The following POLN variants were observed in gnomAD, a reference collection of about 807,000 sequenced individuals.
POLN encodes the protein DNA polymerase nu.
In POLN, 108 loss-of-function variants were observed where a neutral mutation model predicts 113.5. The ratio of observed to expected loss-of-function variants is 0.95; its 90% CI spans 0.81 to 1.12. The LOEUF is 1.12. Among genes scored for constraint, POLN ranks in the 50% most tolerant of loss-of-function variants. POLN has a pLI of 0.00. For synonymous variants in POLN, 386 were observed against 391.5 expected, an observed-to-expected ratio of 0.99 and a Z score of 0.17; for missense variants, 1,097 against 1,077.1, an observed-to-expected ratio of 1.02 and a Z score of -0.26.
intron 7 of POLN, among the ~76,000 whole-genome samples, chr4:2,180,668 C>T (rs919532099): frequency 1.3e-5 from 2 of 152,200 alleles, no homozygotes; most frequent in African/African-American, 4.8e-5. Flanking sequence ...GACTGTTTCA[C>T]TCCACTTCCC....
At chr4:2,086,009 C>G (rs530757114) in intron 20 of POLN, among the ~76,000 whole-genome samples, 1 of 152,318 alleles carries the variant, frequency 6.6e-6, no homozygotes, top group Admixed American at 6.5e-5. Context: ...GTCCCTCCTC[C>G]CAGTGCGGCC....
chr4:2,208,411 G>A lies in POLN; in HGVS notation c.290C>T (p.Thr97Ile), dbSNP rs1733911147. 1.6e-5 allele frequency: 26 copies of A among 1,609,480 alleles called. No homozygotes were observed. Among genetic ancestry groups the A allele is most frequent in the Non-Finnish European group, 2.1e-5 (25 of 1,178,746 alleles). Residue 97 changes from threonine to isoleucine, a missense_variant, in exon 5 of 26, where the codon ACA becomes ATA. Physicochemically the swap from Thr to Ile is moderately conservative, Grantham distance 89. Coordinates refer to ENST00000511885, the MANE Select transcript of POLN (RefSeq NM_181808.4). ...TTTTTGGTCAGCAGACAGCTGATCT[G>A]TGAGCCTGACACTGAAGGACTGAGG... Reference protein sequence around the residue: ...LSPQSFSVRLTDQLSADQKQK... With the variant: ...LSPQSFSVRLIDQLSADQKQK...
At chr4:2,167,661 G>A (rs1460369093) in intron 13 of POLN, among the ~76,000 whole-genome samples, 1 of 152,180 alleles carries the variant, frequency 6.6e-6, no homozygotes, top group Non-Finnish European at 1.5e-5. Flanking sequence ...CACTTTGGGA[G>A]GCCGAGGTGG....
intron 16 of POLN, among the ~76,000 whole-genome samples, chr4:2,152,167 G>C (rs1732312585): frequency 6.6e-6 from 1 of 151,144 alleles, no homozygotes; most frequent in Admixed American, 6.6e-5. Context: ...GAGTAGCTGG[G>C]ACCATAGGCG....
intron 13 of POLN, 92 bp from the exon 14 acceptor site, chr4:2,159,303 G>T: frequency 2.8e-6 from 3 of 1,062,430 alleles, no homozygotes; most frequent in South Asian, 2.8e-5. Context: ...CATAATAAAT[G>T]GTCTAATTGA....
intron 5 of POLN, among the ~76,000 whole-genome samples, chr4:2,203,764 G>A (rs766139044): frequency 7.9e-5 from 12 of 151,944 alleles, no homozygotes; most frequent in South Asian, 2.1e-4. Context: ...AAATGACCAC[G>A]ATCAGAGCAG....
chr4:2,127,795 C>G lies in POLN; in HGVS notation c.1982+318G>C, dbSNP rs1314485975. ...CTTGGCTCTCCTCGGAGGGCAGTGG[C>G]TCACAGCCAGCACCGCGGGCTCGCT... On this transcript the variant is annotated intron_variant, in intron 19 of 25. Transcript: ENST00000511885. This position sits in a 1 kb window ranked among gnomAD's most constrained non-coding sequence, Gnocchi z 4.7. Among the ~76,000 whole-genome samples the G allele has an allele frequency of 2.0e-5, 3 of 152,246 alleles. No individual in the cohort carries two copies. Among genetic ancestry groups the G allele is most frequent in the African/African-American group, 7.2e-5 (3 of 41,468 alleles).
chr4:2,157,745 A>T, intron 15 of POLN, 113 bp downstream of exon 15: 7 of 456,020 alleles, frequency 1.5e-5, no homozygotes, highest in African/African-American at 2.2e-5. Flanking sequence ...AAAAAAAAAA[A>T]AGAATATTTA....
chr4:2,214,614 T>C (rs1298439694), intron 3 of POLN, among the ~76,000 whole-genome samples: 1 of 152,096 alleles, frequency 6.6e-6, no homozygotes, highest in African/African-American at 2.4e-5. Flanking sequence ...TAACTATAAC[T>C]GGAAACACAG....
chr4:2,119,399 T>TTGTGTGTGTGTGCA (rs1731389950), intron 19 of POLN, among the ~76,000 whole-genome samples: 1 of 134,286 alleles, frequency 7.4e-6, no homozygotes, highest in Non-Finnish European at 1.6e-5. Context: ...TGTCTTTTGC[T>TTGTGTGTGTGTGCA]TGTGTGTGTG....
Position 2,171,161 on chromosome 4 carries a change from C to T in POLN, c.1395G>A (p.Glu465=). The T allele has an allele frequency of 6.2e-7, 1 of 1,613,538 alleles. No individual in the cohort carries two copies. Among genetic ancestry groups the T allele is most frequent in the Non-Finnish European group, 8.5e-7 (1 of 1,179,794 alleles). Residue 465 remains glutamate, a synonymous_variant, in exon 12 of 26, where the codon GAG becomes GAA. Coordinates refer to ENST00000511885, the MANE Select transcript of POLN (RefSeq NM_181808.4). Reference sequence around the variant, plus strand: ...CTCCTGCAACAAAATGAGCTTCTTGCTCCAATTCCTTGAGACGAGCCTGAA... The same window carrying T: ...CTCCTGCAACAAAATGAGCTTCTTGTTCCAATTCCTTGAGACGAGCCTGAA... The part of the protein sequence containing the change: ...ALLGARLKEL[E]QEAHFVAGER...
chr4:2,174,691 C>T lies in POLN; in HGVS notation c.1309G>A (p.Val437Met). The T allele has an allele frequency of 6.2e-7, 1 of 1,606,342 alleles. No individual in the cohort carries two copies. Among genetic ancestry groups the T allele is most frequent in the Non-Finnish European group, 8.5e-7 (1 of 1,173,262 alleles). The change falls in exon 10 of 26, where the codon GTG (valine) becomes ATG (methionine). Residue 437 changes from valine (V) to methionine (M), a missense_variant and splice_region_variant. Val to Met is a conservative substitution (Grantham distance 21, BLOSUM62 1). Transcript: ENST00000511885. Reference sequence around the variant, plus strand: ...GTACTTCATCTTTATGGTAACTTACCTGCCAAAATTGGTATCAGAGGAAGC... The same window carrying T: ...GTACTTCATCTTTATGGTAACTTACTTGCCAAAATTGGTATCAGAGGAAGC... ...LELPLIPILA[V>M]MESHAIQVNK...
intron 22 of POLN, chr4:2,081,278 C>T: frequency 5.8e-6 from 7 of 1,214,960 alleles, no homozygotes; most frequent in Non-Finnish European, 8.1e-6. Context: ...TCACCCCTGC[C>T]AGGCATGCAT....
intron 19 of POLN, among the ~76,000 whole-genome samples, chr4:2,113,178 T>A (rs892674858): frequency 7.5e-6 from 1 of 132,724 alleles, no homozygotes; most frequent in Non-Finnish European, 1.5e-5. Flanking sequence ...TAGGTGGGAA[T>A]TGAACAAAGA....
At chr4:2,086,202 T>C (rs534970336) in intron 20 of POLN, among the ~76,000 whole-genome samples, 4 of 152,214 alleles carry the variant, frequency 2.6e-5, no homozygotes, top group Non-Finnish European at 4.4e-5. Flanking sequence ...GCCAGGCATG[T>C]GGTGGCTCAT....
At chr4:2,177,942 C>T (rs1214845126) in intron 8 of POLN, among the ~76,000 whole-genome samples, 5 of 152,240 alleles carry the variant, frequency 3.3e-5, no homozygotes, top group African/African-American at 9.6e-5. Context: ...CTCAGGGCTG[C>T]GTGGCTCCTG....
intron 19 of POLN, among the ~76,000 whole-genome samples, chr4:2,105,708 G>C (rs1731048607): frequency 6.6e-6 from 1 of 152,042 alleles, no homozygotes; most frequent in Non-Finnish European, 1.5e-5. Context: ...CATGTACACA[G>C]AATGGTCAAG....
chr4:2,231,962 G>A (rs779117404), intron 2 of POLN: 3 of 1,438,564 alleles, frequency 2.1e-6, no homozygotes, highest in Non-Finnish European at 2.9e-6. Context: ...ATCTTTGATT[G>A]AGTTTCTAAA....
intron 21 of POLN, among the ~76,000 whole-genome samples, chr4:2,083,202 GCTCT>G (rs761977577): frequency 6.6e-6 from 1 of 151,788 alleles, no homozygotes; most frequent in Non-Finnish European, 1.5e-5. Context: ...GATTTACAAG[GCTCT>G]CTCTCTCTAG....
Sources: gnomAD v4.1 joint callset for allele counts (sites outside exome capture counted in the v4.1 genomes callset) on GRCh38, gnomAD v4.1.1 for gene constraint, Gnocchi (gnomAD v3.1) non-coding constraint, MANE v1.5 for transcripts, NCBI Gene and HGNC (gene_info 2026-07-23, HGNC 2026-07-21) for gene names.